Variants in ELAVL2 observed in about 807,000 individuals in gnomAD.
ELAVL2 encodes the protein ELAV like RNA binding protein 2, also known as ELAV-like protein 2.
A neutral mutation model predicts 34.6 loss-of-function variants in ELAVL2; 4 were observed. The ratio of observed to expected loss-of-function variants is 0.12; its 90% CI spans 0.06 to 0.26. ELAVL2 has a LOEUF of 0.26. ELAVL2 is among the 10% of genes least tolerant of loss of function. The pLI is 1.00. For missense variants in ELAVL2, 432 were observed against 442.8 expected (o/e 0.98, Z 0.22); for synonymous variants, 193 against 154.8 (o/e 1.25, Z -1.83).
In ELAVL2 at chr9:23,692,863, G is replaced by A. The variant is rs138657080; in HGVS notation, c.774C>T (p.Asp258=). 286 of 1,613,770 alleles carry A rather than the reference G, an allele frequency of 1.8e-4. No homozygotes were observed. In the East Asian group the frequency reaches 2.2e-3, roughly 12 times the overall value. Residue 258 remains aspartate, a synonymous_variant, in exon 7 of 7, where the codon GAC becomes GAT. Coordinates refer to ENST00000397312, the MANE Select transcript of ELAVL2 (RefSeq NM_004432.5). ...GVKRFSPMTI[D]GMTSLAGINI... ...TAATTCCAGCCAAACTGGTCATTCC[G>A]TCAATGGTCATTGGAGAAAACCTGC...
upstream of ELAVL2, among the ~76,000 whole-genome samples, chr9:23,829,192 G>A (rs965616786): frequency 5.3e-5 from 8 of 152,184 alleles, no homozygotes; most frequent in Admixed American, 1.3e-4. Flanking sequence ...GAATGACTGC[G>A]AACTTGGAGC....
At chr9:23,810,059 A>G (rs922100941) in intron 1 of ELAVL2, among the ~76,000 whole-genome samples, 1 of 152,160 alleles carries the variant, frequency 6.6e-6, no homozygotes, top group African/African-American at 2.4e-5. Context: ...AACAAGTTCA[A>G]AAAACAGCCC....
intron 2 of ELAVL2, among the ~76,000 whole-genome samples, chr9:23,731,993 C>G (rs1230048126): frequency 6.6e-6 from 1 of 152,138 alleles, no homozygotes; most frequent in Non-Finnish European, 1.5e-5. Flanking sequence ...TAACTAAAGT[C>G]AATCGCAATG....
chr9:23,723,496 A>C (rs1303855712), intron 3 of ELAVL2, among the ~76,000 whole-genome samples: 1 of 152,034 alleles, frequency 6.6e-6, no homozygotes, highest in Non-Finnish European at 1.5e-5. Context: ...GCACACCAGC[A>C]TGGCACATGT....
intron 1 of ELAVL2, among the ~76,000 whole-genome samples, chr9:23,773,812 G>C (rs1368730874): frequency 2.0e-5 from 3 of 152,122 alleles, no homozygotes; most frequent in African/African-American, 7.2e-5. Context: ...TATTTTGTCT[G>C]ATAATGTCAA....
At chr9:23,814,011 C>T (rs1484334740) in intron 1 of ELAVL2, among the ~76,000 whole-genome samples, 3 of 152,134 alleles carry the variant, frequency 2.0e-5, no homozygotes, top group Non-Finnish European at 4.4e-5. Context: ...ATGTGGACTC[C>T]ATTGTTGTTG....
At chr9:23,847,495 AT>A in the ELAVL2 span, 1 of 152,132 alleles carries the variant, frequency 6.6e-6, no homozygotes, top group Non-Finnish European at 1.5e-5. Flanking sequence ...TATGAACATT[AT>A]AAGCTTTCTG....
intron 1 of ELAVL2, among the ~76,000 whole-genome samples, chr9:23,791,367 G>A (rs1278301315): frequency 4.6e-5 from 7 of 152,156 alleles, no homozygotes; most frequent in East Asian, 3.9e-4. Context: ...TTCATGCCTC[G>A]AGAAATTAAA....
intron 2 of ELAVL2, among the ~76,000 whole-genome samples, chr9:23,737,320 G>T (rs1179970401): frequency 1.3e-5 from 2 of 152,170 alleles, no homozygotes; most frequent in African/African-American, 4.8e-5. Context: ...GTACCAGATG[G>T]ATTACAGAAC....
At chr9:23,730,012 G>A (rs978693545) in intron 3 of ELAVL2, among the ~76,000 whole-genome samples, 1 of 152,020 alleles carries the variant, frequency 6.6e-6, no homozygotes, top group Non-Finnish European at 1.5e-5. Flanking sequence ...TGGAAAATAG[G>A]TTCAAACTTG....
chr9:23,762,128 T>C lies in ELAVL2; in HGVS notation c.107A>G (p.Asp36Gly), dbSNP rs571849626. The C allele has an allele frequency of 5.6e-6, 9 of 1,613,658 alleles. No individual in the cohort carries two copies. The South Asian group carries it at 7.7e-5, about 14-fold the overall frequency. ...GTTGACTATTAAGTTGGTCTTGCTG[T>C]CTTCTGTGTTCCCAGAGTCAACTGG... ...SSPVDSGNTE[D>G]SKTNLIVNYL... Residue 36 changes from aspartate to glycine, a missense_variant, in exon 2 of 7, where the codon GAC (aspartate) becomes GGC (glycine). Around this residue, in one of 3 missense-constraint regions of ELAVL2, gnomAD observed 132 missense variants for 118.3 expected, o/e 1.12. Transcript: ENST00000397312.
chr9:23,753,921 A>C (rs539665892), intron 2 of ELAVL2, among the ~76,000 whole-genome samples: 1 of 152,332 alleles, frequency 6.6e-6, no homozygotes, highest in South Asian at 2.1e-4. Flanking sequence ...TTTCTATCAA[A>C]CCAGCAAAGC....
intron 1 of ELAVL2, among the ~76,000 whole-genome samples, chr9:23,816,317 TAAAAAA>T (rs10717104): frequency 3.0e-3 from 134 of 44,698 alleles, no homozygotes; most frequent in Admixed American, 4.2e-3. Context: ...AAGCTTTCAG[TAAAAAA>T]AAAAAAAAAA....
chr9:23,776,529 C>A (rs2058217252), intron 1 of ELAVL2, among the ~76,000 whole-genome samples: 1 of 152,094 alleles, frequency 6.6e-6, no homozygotes. Context: ...CATTCCTGAT[C>A]TACTGCATGT....
At chr9:23,750,928 G>A (rs116485893) in intron 2 of ELAVL2, among the ~76,000 whole-genome samples, 89 of 152,266 alleles carry the variant, frequency 5.8e-4, no homozygotes, top group African/African-American at 2.0e-3. Context: ...TAAAAACAGT[G>A]CAGTGATTCT....
chr9:23,759,444 T>TCTTTAA (rs2054341648), intron 2 of ELAVL2, among the ~76,000 whole-genome samples: 1 of 151,640 alleles, frequency 6.6e-6, no homozygotes, highest in African/African-American at 2.4e-5. Context: ...GGTTAATGAG[T>TCTTTAA]ACAGGGTCAC....
rs2046397333 is a variant in ELAVL2 at position 23,731,037 on chromosome 9, T to C, written c.318A>G (p.Gln106=). 6.2e-7 allele frequency: 1 copy of C among 1,612,646 alleles called. No individual in the cohort carries two copies. Among genetic ancestry groups the C allele is most frequent in the Admixed American group, 1.7e-5 (1 of 59,890 alleles). ...TTAAACATACTTTTATTGTTTTGGT[T>C]TGAAGTCTCAATCCATTCAGGGTGT... ...AINTLNGLRL[Q]TKTIKVSYAR... Residue 106 remains glutamine (Q), a synonymous_variant, in exon 3 of 7, where the codon CAA becomes CAG. Transcript: ENST00000397312.
intron 1 of ELAVL2, among the ~76,000 whole-genome samples, chr9:23,778,988 C>A (rs1020410751): frequency 1.3e-5 from 2 of 152,100 alleles, no homozygotes; most frequent in African/African-American, 4.8e-5. Flanking sequence ...CAAACCTAAT[C>A]AAATATTTTG....
the ELAVL2 span, among the ~76,000 whole-genome samples, chr9:23,836,079 T>C: frequency 6.6e-6 from 1 of 152,184 alleles, no homozygotes; most frequent in South Asian, 2.1e-4. Context: ...TCTTAACTCT[T>C]CATGTTGATG....
Sources: allele counts gnomAD v4.1 joint callset (sites outside exome capture counted in the v4.1 genomes callset), GRCh38; gene constraint gnomAD v4.1.1; regional missense constraint gnomAD v4.1.1; transcripts MANE v1.5; gene names NCBI Gene and HGNC (gene_info 2026-07-23, HGNC 2026-07-21).